CACNB3: variants seen among roughly 807,000 people sequenced by gnomAD.
CACNB3 encodes voltage-dependent L-type calcium channel subunit beta-3.
In CACNB3, 36 loss-of-function variants were observed where a neutral mutation model predicts 63.7. The observed-to-expected ratio is 0.57, with a 90% confidence interval of 0.43 to 0.75. CACNB3 has a LOEUF of 0.75. Ranked by LOEUF, CACNB3 falls within the 30% of genes least tolerant of loss-of-function variation. The pLI is 0.00. For missense variants in CACNB3, 493 were observed against 648.6 expected, an observed-to-expected ratio of 0.76 and a Z score of 2.61; for synonymous variants, 241 against 250.6, an observed-to-expected ratio of 0.96 and a Z score of 0.36.
In CACNB3 at chr12:48,823,074, G is replaced by T. The variant is rs1045932286; in HGVS notation, c.46-270G>T. Among the ~76,000 whole-genome samples, 5 of 152,220 alleles carry T rather than the reference G, an allele frequency of 3.3e-5. No individual in the cohort carries two copies. Among genetic ancestry groups the T allele is most frequent in the Non-Finnish European group, 5.9e-5 (4 of 68,042 alleles). ...GAGGGGAGAAAAGGGAGGAAAGAGA[G>T]AAGTGAAGGCTCTATTCAAAGCTGC... On this transcript the variant is annotated intron_variant, in intron 1 of 12. Coordinates refer to ENST00000301050, the MANE Select transcript of CACNB3 (RefSeq NM_000725.4). This position sits in a 1 kb window ranked among gnomAD's most constrained non-coding sequence, Gnocchi z 4.2.
At position 48,825,716 on chromosome 12, in the gene CACNB3, A is replaced by G; in HGVS notation, c.689A>G (p.Asn230Ser). 2.5e-6 allele frequency: 4 copies of G among 1,614,220 alleles called. No homozygotes were observed. The highest frequency in any genetic ancestry group is 3.4e-6 in the Non-Finnish European group (4 of 1,180,036). ...TCCCTGGCAAAGCGATCTGTGCTCAACAATCCGGGCAAGAGGACCATCATT... is the reference window on the plus strand; with the variant it reads ...TCCCTGGCAAAGCGATCTGTGCTCAGCAATCCGGGCAAGAGGACCATCATT... Reference protein sequence around the residue: ...DLSLAKRSVLNNPGKRTIIER... With the variant: ...DLSLAKRSVLSNPGKRTIIER... The change falls in exon 9 of 13, where the codon AAC becomes AGC. Residue 230 changes from asparagine (N) to serine (S), a missense_variant. Coordinates refer to ENST00000301050, the MANE Select transcript of CACNB3 (RefSeq NM_000725.4). The surrounding 1 kb of genome is among the most constrained non-coding windows in gnomAD (Gnocchi z 4.5).
chr12:48,818,608 C>A lies in CACNB3; in HGVS notation c.-322C>A, dbSNP rs1937651593. Reference sequence around the variant, plus strand: ...CCCGGGCTCCCCGGTGGCCGCCGCCCCCTCGCCGCCCCCGCCTTCTCCCGG... The same window carrying A: ...CCCGGGCTCCCCGGTGGCCGCCGCCACCTCGCCGCCCCCGCCTTCTCCCGG... On this transcript the variant is annotated 5_prime_UTR_variant, in exon 1 of 13. Coordinates refer to ENST00000301050, the MANE Select transcript of CACNB3 (RefSeq NM_000725.4). This position sits in a 1 kb window ranked among gnomAD's most constrained non-coding sequence, Gnocchi z 4.3. The A allele has an allele frequency of 9.1e-7, 1 of 1,101,350 alleles. No individual in the cohort carries two copies. 68.2% of individuals were successfully genotyped at this position (1,101,350 alleles called of 1,614,324 possible).
upstream of CACNB3, among the ~76,000 whole-genome samples, chr12:48,816,233 C>T (rs1371801970): frequency 1.3e-5 from 2 of 152,128 alleles, no homozygotes; most frequent in Non-Finnish European, 2.9e-5. Context: ...TGAAACCTCC[C>T]AAGAAGGTTT....
At chr12:48,819,910 C>T (rs1937761218) in intron 1 of CACNB3, 1 of 304,738 alleles carries the variant, frequency 3.3e-6, no homozygotes, top group East Asian at 9.0e-5. Context: ...CTTCTCAGCC[C>T]CTTGGAGCTG....
In CACNB3 at chr12:48,827,623, C is replaced by T. The variant is rs370710979; in HGVS notation, c.1179C>T (p.Ser393=). The stretch of plus-strand genomic sequence containing the variant: ...TGGGGGAGCGTGGCGAGGAGCACTC[C>T]CCCCTTGAGCGGGACAGCTTGATGC... ...QLLGERGEEH[S]PLERDSLMPS... Residue 393 remains serine, a synonymous_variant, in exon 13 of 13, where the codon TCC becomes TCT. Transcript: ENST00000301050. 44 of 1,613,574 alleles carry T rather than the reference C, an allele frequency of 2.7e-5. No homozygotes were observed. In the African/African-American group the frequency reaches 3.7e-4, roughly 14 times the overall value.
Position 48,822,790 on chromosome 12 carries a change from C to T in CACNB3, c.46-554C>T, listed in dbSNP as rs560541618. Among the ~76,000 whole-genome samples, 18 of 152,340 alleles carry T rather than the reference C, an allele frequency of 1.2e-4. No individual in the cohort carries two copies. The South Asian group carries it at 1.2e-3, about 11-fold the overall frequency. On this transcript the variant is annotated intron_variant, in intron 1 of 12. Transcript: ENST00000301050. ...TAAGGGCTCACCATTTGGGAGCCTT[C>T]AGAGCCTTGTTGGAGTAGGGAAAGT...
In CACNB3 at chr12:48,818,976, T is replaced by C. The variant is rs2137441198; in HGVS notation, c.45+2T>C. ...CCCGGGTTTGAGGACTCGGAGGCGGTGAGTGCCCACGATGAGGGTGGGGGC... is the reference window on the plus strand; with the variant it reads ...CCCGGGTTTGAGGACTCGGAGGCGGCGAGTGCCCACGATGAGGGTGGGGGC... On this transcript the variant is annotated splice_donor_variant, in intron 1 of 12. Coordinates refer to ENST00000301050, the MANE Select transcript of CACNB3 (RefSeq NM_000725.4). LOFTEE classifies it high-confidence loss of function. This position sits in a 1 kb window ranked among gnomAD's most constrained non-coding sequence, Gnocchi z 4.3. 1 of 1,603,784 alleles carries C rather than the reference T, an allele frequency of 6.2e-7. No individual in the cohort carries two copies. Among genetic ancestry groups the C allele is most frequent in the Non-Finnish European group, 8.5e-7 (1 of 1,175,676 alleles).
intron 1 of CACNB3, among the ~76,000 whole-genome samples, chr12:48,822,017 T>C (rs1033498455): frequency 1.3e-5 from 2 of 152,170 alleles, no homozygotes; most frequent in African/African-American, 4.8e-5. Context: ...GATTTTGCCT[T>C]CTTCTCTGAG....
Position 48,825,266 on chromosome 12 carries a change from A to G in CACNB3, c.573+23A>G. Reference sequence around the variant, plus strand: ...GAGGTGAGAGGAGGTCCTTGACCCCAAAGAGTCACCTCTACCAAGCCTGCC... The same window carrying G: ...GAGGTGAGAGGAGGTCCTTGACCCCGAAGAGTCACCTCTACCAAGCCTGCC... On this transcript the variant is annotated intron_variant, in intron 7 of 12. Coordinates refer to ENST00000301050, the MANE Select transcript of CACNB3 (RefSeq NM_000725.4). The surrounding 1 kb of genome is among the most constrained non-coding windows in gnomAD (Gnocchi z 4.5). The G allele has an allele frequency of 6.2e-7, 1 of 1,609,462 alleles. No homozygotes were observed. Among genetic ancestry groups the G allele is most frequent in the Non-Finnish European group, 8.5e-7 (1 of 1,176,334 alleles).
chr12:48,815,222 G>A (rs1942256455), upstream of CACNB3: 2 of 185,612 alleles, frequency 1.1e-5, no homozygotes, highest in African/African-American at 2.4e-5. Context: ...AAGAGCTCAG[G>A]AGCTGGGGCA....
At position 48,827,648 on chromosome 12, in the gene CACNB3, C is replaced by A; in HGVS notation, c.1204C>A (p.Pro402Thr). Residue 402 changes from proline (P) to threonine (T), a missense_variant, in exon 13 of 13, where the codon CCC becomes ACC. Pro to Thr is a conservative substitution (Grantham distance 38, BLOSUM62 -1). Transcript: ENST00000301050. ...CCCCCTTGAGCGGGACAGCTTGATG[C>A]CCTCTGATGAGGCCAGCGAGAGCTC... ...HSPLERDSLM[P>T]SDEASESSRQ... The A allele has an allele frequency of 1.2e-6, 2 of 1,613,792 alleles. No individual in the cohort carries two copies. Among genetic ancestry groups the A allele is most frequent in the South Asian group, 2.2e-5 (2 of 91,086 alleles).
chr12:48,815,369 G>T, upstream of CACNB3: 1 of 425,566 alleles, frequency 2.3e-6, no homozygotes, highest in Non-Finnish European at 4.3e-6. Context: ...GGGATGGAAG[G>T]ACAGTGGGAG....
intron 1 of CACNB3, among the ~76,000 whole-genome samples, chr12:48,822,447 G>A (rs1410406596): frequency 6.6e-6 from 1 of 152,150 alleles, no homozygotes; most frequent in African/African-American, 2.4e-5. Flanking sequence ...CCTTGCTCAT[G>A]TTACCCCCTC....
In CACNB3 at chr12:48,823,180, A is replaced by C. The variant is rs1937946497; in HGVS notation, c.46-164A>C. Among the ~76,000 whole-genome samples the C allele has an allele frequency of 6.6e-6, 1 of 152,094 alleles. No homozygotes were observed. Among genetic ancestry groups the C allele is most frequent in the Non-Finnish European group, 1.5e-5 (1 of 68,000 alleles). Reference sequence around the variant, plus strand: ...CCAGCTTTCCTGTAGCCTCAGAGGCACTGGGGCCCTTCTCAGGGGATAGGA... The same window carrying C: ...CCAGCTTTCCTGTAGCCTCAGAGGCCCTGGGGCCCTTCTCAGGGGATAGGA... On this transcript the variant is annotated intron_variant, in intron 1 of 12. Coordinates refer to ENST00000301050, the MANE Select transcript of CACNB3 (RefSeq NM_000725.4). The surrounding 1 kb of genome is among the most constrained non-coding windows in gnomAD (Gnocchi z 4.2).
chr12:48,819,509 AC>A (rs964686263), intron 1 of CACNB3: 2 of 313,994 alleles, frequency 6.4e-6, no homozygotes, highest in African/African-American at 2.2e-5. Flanking sequence ...ATTCCCTTCC[AC>A]CCCCTCCATC....
Position 48,827,702 on chromosome 12 carries a change from C to T in CACNB3, c.1258C>T (p.Arg420Cys), listed in dbSNP as rs772808247. Residue 420 changes from arginine to cysteine, a missense_variant, in exon 13 of 13, where the codon CGT (arginine) becomes TGT (cysteine). Transcript: ENST00000301050. ...SRQAWTGSSQ[R>C]SSRHLEEDYA... ...CCAAGCCTGGACAGGATCTTCACAG[C>T]GTAGCTCCCGCCACCTGGAGGAGGA... The T allele has an allele frequency of 6.8e-6, 11 of 1,613,930 alleles. No homozygotes were observed. The highest frequency in any genetic ancestry group is 1.3e-5 in the African/African-American group (1 of 74,924).
intron 1 of CACNB3, chr12:48,819,995 A>G (rs1325930130): frequency 4.0e-5 from 9 of 223,634 alleles, no homozygotes; most frequent in East Asian, 1.2e-4. Context: ...AGGGGCCCCA[A>G]TAGGTTGGAG....
At chr12:48,824,194 T>C (rs1274901330) in intron 3 of CACNB3, 64 bp from the exon 4 acceptor site, 38 of 1,344,056 alleles carry the variant, frequency 2.8e-5, no homozygotes, top group Non-Finnish European at 3.6e-5. Flanking sequence ...TCCTTCACAT[T>C]GAAGAGCCAG....
chr12:48,821,076 CA>C (rs1318902351), intron 1 of CACNB3: 2 of 151,402 alleles, frequency 1.3e-5, no homozygotes, highest in Non-Finnish European at 2.9e-5. Flanking sequence ...CCCAACTACT[CA>C]GGAGGCTGGG....
Sources: allele counts gnomAD v4.1 joint callset (sites outside exome capture counted in the v4.1 genomes callset), GRCh38; gene constraint gnomAD v4.1.1; non-coding constraint Gnocchi (gnomAD v3.1); transcripts MANE v1.5; gene names NCBI Gene and HGNC (gene_info 2026-07-23, HGNC 2026-07-21).